RTN4R: variants seen among roughly 807,000 people sequenced by gnomAD.
The protein encoded by RTN4R is reticulon 4 receptor.
Under a neutral mutation model 27.7 loss-of-function variants are expected in RTN4R, and 4 were observed. The observed-to-expected ratio is 0.14, with a 90% CI of 0.07 to 0.33. The LOEUF (loss-of-function observed/expected upper bound fraction) is 0.33, where lower values mean the gene tolerates loss of function less well. RTN4R is among the 10% of genes least tolerant of loss of function. The pLI, the probability that RTN4R is intolerant of heterozygous loss-of-function variation, is 1.00. For missense variants in RTN4R, 554 were observed against 671.5 expected (o/e 0.83, Z 1.93); for synonymous variants, 290 against 305.6 (o/e 0.95, Z 0.53).
chr22:20,257,225 A>T (rs2051217188), intron 1 of RTN4R, among the ~76,000 whole-genome samples: 1 of 152,184 alleles, frequency 6.6e-6, no homozygotes, highest in Non-Finnish European at 1.5e-5. Flanking sequence ...TGGCTCCAGC[A>T]CCCCAGTGCC....
Position 20,242,882 on chromosome 22 carries a change from G to A in RTN4R, c.251C>T (p.Thr84Ile). 4 of 1,612,904 alleles carry A rather than the reference G, an allele frequency of 2.5e-6. No homozygotes were observed. Among genetic ancestry groups the A allele is most frequent in the Non-Finnish European group, 3.4e-6 (4 of 1,179,810 alleles). ...CACATTCGAGTGCAGCCACAGGATGGTGAGGTTGCGGCAGGCACGGAAGCT... is the reference window on the plus strand; with the variant it reads ...CACATTCGAGTGCAGCCACAGGATGATGAGGTTGCGGCAGGCACGGAAGCT... The part of the protein sequence containing the change: ...AASFRACRNL[T>I]ILWLHSNVLA... The change falls in exon 2 of 2, where the codon ACC (threonine) becomes ATC (isoleucine). Residue 84 changes from threonine (T) to isoleucine (I), a missense_variant. Thr to Ile is a moderately conservative substitution (Grantham distance 89). This residue lies in a region of RTN4R where 413 missense variants were observed against 542.3 expected (regional missense o/e 0.76). Transcript: ENST00000043402.
intron 1 of RTN4R, among the ~76,000 whole-genome samples, chr22:20,244,604 C>G (rs1258417196): frequency 1.3e-5 from 2 of 152,146 alleles, no homozygotes; most frequent in Non-Finnish European, 2.9e-5. Context: ...GAGGAAAGCA[C>G]CTGGCCTCGT....
At chr22:20,259,376 T>C (rs1332834219) in intron 1 of RTN4R, among the ~76,000 whole-genome samples, 9 of 152,174 alleles carry the variant, frequency 5.9e-5, no homozygotes, top group African/African-American at 2.2e-4. Context: ...CCTGTCCCTG[T>C]GTCAGCCTCT....
intron 1 of RTN4R, among the ~76,000 whole-genome samples, chr22:20,266,204 T>A (rs2051275684): frequency 6.6e-6 from 1 of 152,172 alleles, no homozygotes; most frequent in African/African-American, 2.4e-5. Context: ...CAGCTGCCCC[T>A]CTGCTAGTAT....
intron 1 of RTN4R, among the ~76,000 whole-genome samples, chr22:20,253,436 G>A (rs956789050): frequency 5.9e-5 from 9 of 152,194 alleles, no homozygotes; most frequent in African/African-American, 1.4e-4. Flanking sequence ...GAGACCCACC[G>A]AAATGAGGGT....
chr22:20,248,462 C>A (rs540369616), intron 1 of RTN4R, among the ~76,000 whole-genome samples: 1 of 152,292 alleles, frequency 6.6e-6, no homozygotes, highest in East Asian at 1.9e-4. Flanking sequence ...ATGGCCTGGC[C>A]CAGGTGAGAG....
intron 1 of RTN4R, among the ~76,000 whole-genome samples, chr22:20,259,247 T>C (rs2051230607): frequency 6.6e-6 from 1 of 152,218 alleles, no homozygotes; most frequent in Non-Finnish European, 1.5e-5. Context: ...AGGGCCGCCA[T>C]CTGTCTCAGC....
rs1290157908 is a variant in RTN4R, at chr22:20,242,838, C to T, written c.295G>A (p.Ala99Thr). 5 of 1,612,910 alleles carry T rather than the reference C, an allele frequency of 3.1e-6. No homozygotes were observed. Among genetic ancestry groups the T allele is most frequent in the Non-Finnish European group, 4.2e-6 (5 of 1,179,950 alleles). The change falls in exon 2 of 2, where the codon GCT (alanine) becomes ACT (threonine). Residue 99 changes from alanine to threonine, a missense_variant. By Grantham distance (58) the Ala-to-Thr change is moderately conservative (BLOSUM62 0). This residue lies in a region of RTN4R where 413 missense variants were observed against 542.3 expected (regional missense o/e 0.76). Coordinates refer to ENST00000043402, the MANE Select transcript of RTN4R (RefSeq NM_023004.6). Reference sequence around the variant, plus strand: ...AGGAGGGCCAGGCCAGTGAAGGCAGCCGCATCAATTCGGGCCAGCACATTC... The same window carrying T: ...AGGAGGGCCAGGCCAGTGAAGGCAGTCGCATCAATTCGGGCCAGCACATTC... ...HSNVLARIDA[A>T]AFTGLALLEQ...
At position 20,241,646 on chromosome 22, in the gene RTN4R, C is replaced by A; in HGVS notation, c.*65G>T. On this transcript the variant is annotated 3_prime_UTR_variant, in exon 2 of 2. Coordinates refer to ENST00000043402, the MANE Select transcript of RTN4R (RefSeq NM_023004.6). ...GTCGGCCGCCCGGCTGGCTTGGCGG[C>A]GTGGAGAGAGACCCCGTATGTACAC... 6.5e-7 allele frequency: 1 copy of A among 1,532,140 alleles called. No homozygotes were observed. Among genetic ancestry groups the A allele is most frequent in the Admixed American group, 2.0e-5 (1 of 50,748 alleles). The allele number at this position is 1,532,140 out of a possible 1,614,324, so 94.9% of individuals were successfully genotyped here.
chr22:20,253,010 A>G (rs2051193203), intron 1 of RTN4R, among the ~76,000 whole-genome samples: 1 of 152,258 alleles, frequency 6.6e-6, no homozygotes, highest in African/African-American at 2.4e-5. Context: ...TCAGGTGAGG[A>G]GTCCAGGGAG....
chr22:20,264,378 T>A (rs1406962348), intron 1 of RTN4R, among the ~76,000 whole-genome samples: 1 of 152,012 alleles, frequency 6.6e-6, no homozygotes, highest in Non-Finnish European at 1.5e-5. Context: ...GGAGCCCAGC[T>A]GGGCCCCAGG....
chr22:20,247,538 C>T (rs186109230), intron 1 of RTN4R, among the ~76,000 whole-genome samples: 52 of 150,644 alleles, frequency 3.5e-4, no homozygotes, highest in Non-Finnish European at 7.0e-4. Flanking sequence ...ACCCGCCATC[C>T]ATCCTCAGGC....
At chr22:20,252,859 C>G (rs565459111) in intron 1 of RTN4R, among the ~76,000 whole-genome samples, 1 of 152,256 alleles carries the variant, frequency 6.6e-6, no homozygotes, top group African/African-American at 2.4e-5. Context: ...CCCTCCAAAT[C>G]TGTCCCCACA....
chr22:20,268,050 G>A, intron 1 of RTN4R, 21 bp downstream of exon 1: 1 of 1,170,458 alleles, frequency 8.5e-7, no homozygotes, highest in Non-Finnish European at 1.1e-6. Context: ...GGCCGGGCTC[G>A]GGTGCAGCGC....
chr22:20,263,850 C>T (rs1383970972), intron 1 of RTN4R, among the ~76,000 whole-genome samples: 3 of 152,280 alleles, frequency 2.0e-5, no homozygotes, highest in Non-Finnish European at 1.5e-5. Context: ...TCACCCCATG[C>T]CCCGCTGCCC....
At chr22:20,252,108 C>T (rs1055772137) in intron 1 of RTN4R, among the ~76,000 whole-genome samples, 1 of 32,910 alleles carries the variant, frequency 3.0e-5, no homozygotes, top group African/African-American at 1.1e-4. Flanking sequence ...TCACCATCAC[C>T]GCCATCAGCA....
rs748963344 is a variant in RTN4R, at chr22:20,242,283, C to T, written c.850G>A (p.Glu284Lys). ...WLQKFRGSSS[E>K]VPCSLPQRLA... ...CGTTGCGGGAGGCTGCAGGGCACCT[C>T]GGAGGAGGAGCCGCGGAACTTCTGC... Residue 284 changes from glutamate (E) to lysine (K), a missense_variant, in exon 2 of 2, where the codon GAG (glutamate) becomes AAG (lysine). By Grantham distance (56) the Glu-to-Lys change is moderately conservative. This residue lies in a region of RTN4R where 413 missense variants were observed against 542.3 expected (regional missense o/e 0.76). Transcript: ENST00000043402. 1.2e-5 allele frequency: 19 copies of T among 1,599,668 alleles called. No individual in the cohort carries two copies. The highest frequency in any genetic ancestry group is 1.7e-4 in the Middle Eastern group (1 of 5,848).
chr22:20,254,582 T>C (rs944612109), intron 1 of RTN4R, among the ~76,000 whole-genome samples: 3 of 151,554 alleles, frequency 2.0e-5, no homozygotes, highest in Admixed American at 6.6e-5. Flanking sequence ...AGCTTGAACA[T>C]ACTTGTAAAT....
In RTN4R at chr22:20,241,796, C is replaced by T; in HGVS notation, c.1337G>A (p.Gly446Asp). 1 of 1,566,646 alleles carries T rather than the reference C, an allele frequency of 6.4e-7. No homozygotes were observed. The highest frequency in any genetic ancestry group is 8.6e-7 in the Non-Finnish European group (1 of 1,156,390). Residue 446 changes from glycine (G) to aspartate (D), a missense_variant, in exon 2 of 2, where the codon GGC (glycine) becomes GAC (aspartate). By Grantham distance (94) the Gly-to-Asp change is moderately conservative. Around this residue, in one of 2 missense-constraint regions of RTN4R, gnomAD observed 141 missense variants for 129.2 expected, o/e 1.09. Coordinates refer to ENST00000043402, the MANE Select transcript of RTN4R (RefSeq NM_023004.6). ...GGTGAGGCTGGGTAGGGCACCTGAG[C>T]CTTCTGAGTCACCAGTCCCGCCACC... ...SGGGGTGDSE[G>D]SGALPSLTCS...
Sources: allele counts gnomAD v4.1 joint callset (sites outside exome capture counted in the v4.1 genomes callset), GRCh38; gene constraint gnomAD v4.1.1; regional missense constraint gnomAD v4.1.1; transcripts MANE v1.5; gene names NCBI Gene and HGNC (gene_info 2026-07-23, HGNC 2026-07-21).